The following SERPINB6 variants were observed in gnomAD, a reference collection of about 807,000 sequenced individuals.
SERPINB6 encodes the protein serpin family B member 6, also known as serpin B6.
A neutral mutation model predicts 26.1 loss-of-function variants in SERPINB6; 16 were observed. The observed-to-expected ratio is 0.61, with a 90% CI of 0.42 to 0.93. The LOEUF is 0.93. SERPINB6 is among the 40% of genes least tolerant of loss of function. The probability of loss-of-function intolerance (pLI) is 0.00; values close to 1 mark genes in which losing one functional copy is unlikely to be tolerated. For synonymous variants in SERPINB6, 174 were observed against 176.6 expected (o/e 0.99, Z 0.11); for missense variants, 420 against 478.0 (o/e 0.88, Z 1.13).
chr6:2,965,304 G>A (rs928322180), intron 1 of SERPINB6, among the ~76,000 whole-genome samples: 3 of 152,002 alleles, frequency 2.0e-5, no homozygotes, highest in Admixed American at 6.5e-5. Flanking sequence ...CTCTCCCTCC[G>A]TCTGTCACCA....
chr6:2,955,481 G>A (rs1770350799), intron 3 of SERPINB6, 43 bp downstream of exon 3: 2 of 1,613,382 alleles, frequency 1.2e-6, no homozygotes, highest in South Asian at 2.2e-5. Flanking sequence ...CCACTACCTG[G>A]CCACCTTTAT....
chr6:2,968,518 C>T (rs1054910978), intron 1 of SERPINB6: 1 of 1,145,084 alleles, frequency 8.7e-7, no homozygotes. Flanking sequence ...ACCTTATTCC[C>T]TCATTTACAC....
intron 1 of SERPINB6, among the ~76,000 whole-genome samples, chr6:2,965,271 A>T (rs1409076847): frequency 6.6e-6 from 1 of 152,200 alleles, no homozygotes; most frequent in Non-Finnish European, 1.5e-5. Flanking sequence ...CGACACAAGG[A>T]ATAATCTACC....
intron 1 of SERPINB6, chr6:2,960,973 G>C (rs529764749): frequency 5.4e-4 from 76 of 141,986 alleles, no homozygotes; most frequent in African/African-American, 1.9e-3. Flanking sequence ...CACTGGCCTT[G>C]AAGATGAAGG....
At chr6:2,951,278 CAA>C (rs1407033125) in intron 5 of SERPINB6, among the ~76,000 whole-genome samples, 1 of 151,758 alleles carries the variant, frequency 6.6e-6, no homozygotes, top group Non-Finnish European at 1.5e-5. Flanking sequence ...CCCAGCTACT[CAA>C]GAGGCCACGG....
intron 1 of SERPINB6, chr6:2,961,031 G>C (rs1346181782): frequency 6.6e-6 from 1 of 152,252 alleles, no homozygotes; most frequent in Non-Finnish European, 1.5e-5. Context: ...AGCTGGAAAG[G>C]CAAGGAGGAT....
At chr6:2,955,304 G>C in intron 3 of SERPINB6, 1 of 588,760 alleles carries the variant, frequency 1.7e-6, no homozygotes, top group Non-Finnish European at 3.0e-6. Context: ...ATGCATCAAG[G>C]AGCTGCCTGA....
intron 5 of SERPINB6, among the ~76,000 whole-genome samples, chr6:2,952,191 G>C (rs1454103762): frequency 6.6e-6 from 1 of 152,182 alleles, no homozygotes; most frequent in Non-Finnish European, 1.5e-5. Flanking sequence ...AAATAGCACA[G>C]TTCATTTCAG....
intron 3 of SERPINB6, chr6:2,955,296 G>A (rs939311368): frequency 1.6e-5 from 9 of 572,182 alleles, no homozygotes; most frequent in Admixed American, 3.0e-5. Flanking sequence ...GAGCAGCCAT[G>A]CATCAAGGAG....
chr6:2,955,753 CA>C, intron 2 of SERPINB6, 83 bp from the exon 3 acceptor site: 1 of 1,487,400 alleles, frequency 6.7e-7, no homozygotes, highest in Non-Finnish European at 9.3e-7. Context: ...CTCAGCCTAA[CA>C]ACCATCCAGA....
chr6:2,954,976 G>T, intron 3 of SERPINB6: 1 of 421,696 alleles, frequency 2.4e-6, no homozygotes. Context: ...GATCGTGTGA[G>T]CTCAGGAGTT....
chr6:2,964,545 T>C (rs1382807607), intron 1 of SERPINB6, among the ~76,000 whole-genome samples: 3 of 152,194 alleles, frequency 2.0e-5, no homozygotes, highest in Non-Finnish European at 2.9e-5. Context: ...GTAATTTTTA[T>C]GTTTTTTGTG....
In SERPINB6 at chr6:2,955,582, T is replaced by C. The variant is rs1770371096; in HGVS notation, c.254A>G (p.Gln85Arg). Residue 85 changes from glutamine to arginine, a missense_variant, in exon 3 of 7, where the codon CAG (glutamine) becomes CGG (arginine). Coordinates refer to ENST00000380539, the MANE Select transcript of SERPINB6 (RefSeq NM_004568.6). ...CCTGTTGGCCATCCTAAGCAAGTAC[T>C]GCGTGCCAGTCTTGTTCACTTCGGT... ...LLTEVNKTGT[Q>R]YLLRMANRLF... 6.2e-7 allele frequency: 1 copy of C among 1,614,138 alleles called. No homozygotes were observed. Among genetic ancestry groups the C allele is most frequent in the Non-Finnish European group, 8.5e-7 (1 of 1,180,046 alleles).
In SERPINB6 at chr6:2,959,320, C is replaced by T. The variant is rs377092491; in HGVS notation, c.13G>A (p.Ala5Thr). Residue 5 changes from alanine to threonine, a missense_variant, in exon 2 of 7, where the codon GCA becomes ACA. By Grantham distance (58) the Ala-to-Thr change is moderately conservative. Transcript: ENST00000380539. ...AAGGCAAAGGTGCCATTTGCTTCTG[C>T]GAGAACATCCATGATGGCAGACCTG... MDVL[A>T]EANGTFALNL... 2.9e-5 allele frequency: 47 copies of T among 1,613,938 alleles called. No homozygotes were observed. In the African/African-American group the frequency reaches 3.5e-4, roughly 12 times the overall value.
In SERPINB6 at chr6:2,970,415, A is replaced by G. The variant is rs142396227; in HGVS notation, c.-11+1118T>C. On this transcript the variant is annotated intron_variant, in intron 1 of 6. Coordinates refer to ENST00000380539, the MANE Select transcript of SERPINB6 (RefSeq NM_004568.6). ...CGGTCCTGAAATGAGAACAAACGCC[A>G]TCTATGCTGATAACAGCAGTCACTG... is the stretch of plus-strand genomic sequence containing the variant. 9.9e-4 allele frequency: 1,029 copies of G among 1,042,056 alleles called. 16 individuals are homozygous for G. The African/African-American group carries it at 0.016, about 16-fold the overall frequency. 64.6% of individuals were successfully genotyped at this position (1,042,056 alleles called of 1,614,324 possible).
intron 5 of SERPINB6, 40 bp from the exon 6 acceptor site, chr6:2,949,109 C>G (rs1012084606): frequency 2.2e-5 from 35 of 1,606,710 alleles, no homozygotes; most frequent in Non-Finnish European, 2.5e-5. Flanking sequence ...GAAACAAGAC[C>G]CCACTGACAC....
chr6:2,961,777 A>C, intron 1 of SERPINB6: 16 of 970,364 alleles, frequency 1.6e-5, no homozygotes, highest in Non-Finnish European at 2.0e-5. Context: ...AAAAAAAGAC[A>C]GAGGTTAAGT....
chr6:2,969,767 T>C (rs1771956219), intron 1 of SERPINB6: 1 of 911,268 alleles, frequency 1.1e-6, no homozygotes, highest in Non-Finnish European at 1.3e-6. Flanking sequence ...GTGCAGTGTG[T>C]ATGTGTGTGT....
At chr6:2,953,514 CAGA>C (rs1770062427) in intron 4 of SERPINB6, among the ~76,000 whole-genome samples, 1 of 152,116 alleles carries the variant, frequency 6.6e-6, no homozygotes. Flanking sequence ...GGTGGGCAGT[CAGA>C]AGATGTTCTT....
Sources: gnomAD v4.1 joint callset for allele counts (sites outside exome capture counted in the v4.1 genomes callset) on GRCh38, gnomAD v4.1.1 for gene constraint, MANE v1.5 for transcripts, NCBI Gene and HGNC (gene_info 2026-07-23, HGNC 2026-07-21) for gene names.